Variants in DACH1 observed in about 807,000 individuals in gnomAD.
DACH1 encodes the protein dachshund homolog 1.
DACH1 carries 12 observed loss-of-function variants against 54.2 expected under a neutral mutation model. That is an observed-to-expected ratio of 0.22 (90% CI 0.14 to 0.36). The LOEUF (loss-of-function observed/expected upper bound fraction) is 0.36. Ranked by LOEUF, DACH1 falls within the 10% of genes least tolerant of loss-of-function variation. The pLI is 1.00. For synonymous variants in DACH1, 386 were observed against 366.2 expected, an observed-to-expected ratio of 1.05 and a Z score of -0.62; for missense variants, 805 against 929.8, an observed-to-expected ratio of 0.87 and a Z score of 1.75.
At chr13:71,695,971 G>A (rs1355310206) in intron 1 of DACH1, among the ~76,000 whole-genome samples, 3 of 152,186 alleles carry the variant, frequency 2.0e-5, no homozygotes, top group African/African-American at 7.2e-5. Context: ...GATAGTATGT[G>A]AAGTACAGTG....
chr13:71,582,894 G>C (rs575771399), intron 3 of DACH1, among the ~76,000 whole-genome samples: 1 of 152,108 alleles, frequency 6.6e-6, no homozygotes, highest in African/African-American at 2.4e-5. Context: ...CAGCAATACA[G>C]ATAATTTTAT....
chr13:71,482,002 C>T (rs1487110667), intron 7 of DACH1, among the ~76,000 whole-genome samples: 1 of 152,126 alleles, frequency 6.6e-6, no homozygotes, highest in Non-Finnish European at 1.5e-5. Context: ...AGGTTTAAAG[C>T]ATGATTTTTT....
chr13:71,594,589 T>A (rs1873961158), intron 3 of DACH1, among the ~76,000 whole-genome samples: 1 of 152,168 alleles, frequency 6.6e-6, no homozygotes, highest in Non-Finnish European at 1.5e-5. Flanking sequence ...GCTGAAGTGA[T>A]GTGTAGCTCC....
At chr13:71,500,567 G>C (rs895462947) in intron 6 of DACH1, among the ~76,000 whole-genome samples, 1 of 152,102 alleles carries the variant, frequency 6.6e-6, no homozygotes, top group Non-Finnish European at 1.5e-5. Context: ...GAGGCCTTTG[G>C]AAATCACCTC....
chr13:71,492,260 C>T (rs534287350), intron 6 of DACH1, among the ~76,000 whole-genome samples: 1 of 152,064 alleles, frequency 6.6e-6, no homozygotes, highest in African/African-American at 2.4e-5. Flanking sequence ...TGTTATTTTA[C>T]TTTAAAAAAG....
At chr13:71,570,230 G>C (rs1266702908) in intron 4 of DACH1, among the ~76,000 whole-genome samples, 1 of 152,110 alleles carries the variant, frequency 6.6e-6, no homozygotes, top group Non-Finnish European at 1.5e-5. Flanking sequence ...ACACTCACTT[G>C]ATTTTTATCA....
chr13:71,619,603 T>A (rs951757463), intron 3 of DACH1, among the ~76,000 whole-genome samples: 4 of 151,948 alleles, frequency 2.6e-5, no homozygotes, highest in African/African-American at 9.7e-5. Context: ...AGACAGTAGA[T>A]ATATCTATAT....
chr13:71,649,190 T>TA (rs1346361219), intron 2 of DACH1, among the ~76,000 whole-genome samples: 1 of 152,156 alleles, frequency 6.6e-6, no homozygotes, highest in African/African-American at 2.4e-5. Context: ...TATAGGTTTG[T>TA]AACCTAGAAG....
intron 3 of DACH1, among the ~76,000 whole-genome samples, chr13:71,593,032 A>G (rs181155183): frequency 6.6e-6 from 1 of 152,330 alleles, no homozygotes; most frequent in East Asian, 1.9e-4. Context: ...GAATAAAAGT[A>G]GTGCATAAGA....
rs181786249 is a variant in DACH1 at position 71,820,747 on chromosome 13, C to A, written c.848+45175G>T. Among the ~76,000 whole-genome samples, 216 of 152,220 alleles carry A rather than the reference C, an allele frequency of 1.4e-3. 1 individual carries two copies. The highest frequency in any genetic ancestry group is 3.4e-3 in the Middle Eastern group (1 of 294). On this transcript the variant is annotated intron_variant, in intron 1 of 10. Coordinates refer to ENST00000613252, the MANE Select transcript of DACH1 (RefSeq NM_080759.6). ...GAAATCTTTTGTAATAAACCACTTT[C>A]TTAGTATGACTTCCACGGAGAAAGG...
intron 1 of DACH1, among the ~76,000 whole-genome samples, chr13:71,700,138 C>G (rs1019283742): frequency 1.8e-4 from 27 of 152,102 alleles, no homozygotes; most frequent in South Asian, 2.1e-4. Context: ...AGTGTTTGGA[C>G]ACACGTTGGC....
At chr13:71,493,204 A>G (rs1012699622) in intron 6 of DACH1, among the ~76,000 whole-genome samples, 1 of 152,150 alleles carries the variant, frequency 6.6e-6, no homozygotes, top group Non-Finnish European at 1.5e-5. Context: ...TAAAATGTCT[A>G]GCTTCCATTT....
intron 4 of DACH1, among the ~76,000 whole-genome samples, chr13:71,562,173 C>G (rs184316877): frequency 6.6e-6 from 1 of 151,982 alleles, no homozygotes; most frequent in African/African-American, 2.4e-5. Flanking sequence ...AGAAGGCAGA[C>G]GTATTGTTAG....
At chr13:71,738,150 G>T (rs138636105) in intron 1 of DACH1, among the ~76,000 whole-genome samples, 1 of 152,206 alleles carries the variant, frequency 6.6e-6, no homozygotes, top group Non-Finnish European at 1.5e-5. Flanking sequence ...ATACTTGCAG[G>T]GTTTGATAAA....
chr13:71,448,824 GTT>G (rs11422735), intron 10 of DACH1, among the ~76,000 whole-genome samples: 2 of 145,636 alleles, frequency 1.4e-5, no homozygotes, highest in African/African-American at 5.1e-5. Context: ...AGATTCTGTG[GTT>G]TTTTTTTTTT....
intron 3 of DACH1, among the ~76,000 whole-genome samples, chr13:71,609,929 T>C (rs1244458196): frequency 1.3e-5 from 2 of 152,180 alleles, no homozygotes; most frequent in African/African-American, 4.8e-5. Context: ...TTTTTAAAAA[T>C]ATACTTACAG....
At chr13:71,557,313 A>C (rs1248171385) in intron 5 of DACH1, among the ~76,000 whole-genome samples, 155 bp from the exon 6 acceptor site, 5 of 152,140 alleles carry the variant, frequency 3.3e-5, no homozygotes. Flanking sequence ...CCCTAAAAAC[A>C]CTGTGATAAC....
At chr13:71,629,713 T>C (rs915453672) in intron 3 of DACH1, among the ~76,000 whole-genome samples, 4 of 152,156 alleles carry the variant, frequency 2.6e-5, no homozygotes, top group South Asian at 2.1e-4. Context: ...TTCATAAATA[T>C]ACATTGGCTA....
chr13:71,538,741 A>G (rs905038571), intron 6 of DACH1, among the ~76,000 whole-genome samples: 2 of 152,130 alleles, frequency 1.3e-5, no homozygotes, highest in African/African-American at 4.8e-5. Flanking sequence ...CAGTTTAAAA[A>G]TGACTGCAGT....
Sources: gnomAD v4.1 joint callset for allele counts (sites outside exome capture counted in the v4.1 genomes callset) on GRCh38, gnomAD v4.1.1 for gene constraint, MANE v1.5 for transcripts, NCBI Gene and HGNC (gene_info 2026-07-23, HGNC 2026-07-21) for gene names.